Variants in AP2B1 observed in about 807,000 individuals in gnomAD.
The protein encoded by AP2B1 is AP-2 complex subunit beta.
In AP2B1, 23 loss-of-function variants were observed where a neutral mutation model predicts 102.0. That is an observed-to-expected ratio of 0.23 (90% confidence interval 0.16 to 0.32). The LOEUF (loss-of-function observed/expected upper bound fraction) is 0.32. AP2B1 is among the 10% of genes least tolerant of loss of function. The pLI is 1.00. For synonymous variants in AP2B1, 381 were observed against 421.2 expected, an observed-to-expected ratio of 0.90 and a Z score of 1.17; for missense variants, 541 against 1,157.4, an observed-to-expected ratio of 0.47 and a Z score of 7.73.
At chr17:35,661,885 T>C (rs1290516481) in intron 14 of AP2B1, among the ~76,000 whole-genome samples, 1 of 152,116 alleles carries the variant, frequency 6.6e-6, no homozygotes, top group Admixed American at 6.6e-5. Flanking sequence ...TCTTATTAGG[T>C]TGGAGCAAAA....
chr17:35,599,741 TAAA>T (rs1326891116), intron 3 of AP2B1, among the ~76,000 whole-genome samples: 2 of 150,630 alleles, frequency 1.3e-5, no homozygotes, highest in Non-Finnish European at 3.0e-5. Flanking sequence ...CTGTCTCTAC[TAAA>T]AAAAAATACA....
rs1168549307 is a variant in AP2B1, at chr17:35,636,325, G to T, written c.1156-16G>T. ...TAGATCATCTGACTTCTCATTTTTTGTATTTTTCTTCCCAGCAATCTGCAG... is the reference window on the plus strand; with the variant it reads ...TAGATCATCTGACTTCTCATTTTTTTTATTTTTCTTCCCAGCAATCTGCAG... On this transcript the variant is annotated splice_polypyrimidine_tract_variant and intron_variant, in intron 9 of 21. Coordinates refer to ENST00000610402, the MANE Select transcript of AP2B1 (RefSeq NM_001030006.2). 9 of 1,588,022 alleles carry T rather than the reference G, an allele frequency of 5.7e-6. No homozygotes were observed. The highest frequency in any genetic ancestry group is 3.4e-5 in the Admixed American group (2 of 58,510).
chr17:35,599,179 G>A (rs572388119), intron 3 of AP2B1, among the ~76,000 whole-genome samples: 21 of 152,298 alleles, frequency 1.4e-4, no homozygotes, highest in East Asian at 1.2e-3. Flanking sequence ...CTTCTGCTGC[G>A]TAGCAGTGCA....
At chr17:35,673,778 T>G (rs1294091354) in intron 16 of AP2B1, among the ~76,000 whole-genome samples, 1 of 152,238 alleles carries the variant, frequency 6.6e-6, no homozygotes, top group Non-Finnish European at 1.5e-5. Context: ...AGATGCAGTT[T>G]CTTCCCTTTA....
chr17:35,637,407 T>TGACCTCAGGTGATCCATC (rs760000971), intron 10 of AP2B1, among the ~76,000 whole-genome samples: 79 of 152,270 alleles, frequency 5.2e-4, no homozygotes, highest in Non-Finnish European at 7.8e-4. Context: ...CTCGAACTCC[T>TGACCTCAGGTGATCCATC]GACCTCAGGT....
intron 18 of AP2B1, among the ~76,000 whole-genome samples, chr17:35,705,396 C>T (rs2076321199): frequency 6.6e-6 from 1 of 152,130 alleles, no homozygotes; most frequent in South Asian, 2.1e-4. Flanking sequence ...CTTCTAATCT[C>T]TTTTTTAACA....
intron 2 of AP2B1, chr17:35,597,202 AG>A (rs370779214): frequency 1.1e-4 from 47 of 434,100 alleles, no homozygotes; most frequent in Middle Eastern, 1.4e-3. Context: ...TTGAAGGTGG[AG>A]GAAAGTCTTT....
At chr17:35,637,932 C>T (rs183501329) in intron 10 of AP2B1, among the ~76,000 whole-genome samples, 1 of 152,110 alleles carries the variant, frequency 6.6e-6, no homozygotes, top group Admixed American at 6.5e-5. Flanking sequence ...TGATCCCCCC[C>T]ACCTCGCCCT....
intron 12 of AP2B1, among the ~76,000 whole-genome samples, chr17:35,649,389 C>T (rs931488508): frequency 6.6e-6 from 1 of 152,102 alleles, no homozygotes; most frequent in Non-Finnish European, 1.5e-5. Context: ...CTACCTCAGC[C>T]TGTTGAGTAG....
chr17:35,720,699 G>A (rs945317333), intron 21 of AP2B1, among the ~76,000 whole-genome samples: 6 of 149,268 alleles, frequency 4.0e-5, no homozygotes, highest in Non-Finnish European at 7.4e-5. Flanking sequence ...TGGGATTGCA[G>A]GCGTGAGCCA....
At chr17:35,655,507 C>CT (rs752877381) in intron 13 of AP2B1, among the ~76,000 whole-genome samples, 9 of 152,056 alleles carry the variant, frequency 5.9e-5, no homozygotes, top group Non-Finnish European at 4.4e-5. Context: ...TAGTTTGCTC[C>CT]TTTTTATTGG....
chr17:35,677,787 A>G (rs1170681036), intron 17 of AP2B1, among the ~76,000 whole-genome samples: 1 of 151,792 alleles, frequency 6.6e-6, no homozygotes, highest in Non-Finnish European at 1.5e-5. Context: ...GCAATGTTTT[A>G]TAATTTTTTT....
At chr17:35,602,384 G>A (rs1043403729) in intron 3 of AP2B1, among the ~76,000 whole-genome samples, 12 of 152,184 alleles carry the variant, frequency 7.9e-5, no homozygotes, top group Non-Finnish European at 1.5e-4. Flanking sequence ...TAGAAAGATA[G>A]TGCAAAGAAA....
intron 18 of AP2B1, among the ~76,000 whole-genome samples, chr17:35,689,057 T>G (rs928389217): frequency 1.3e-5 from 2 of 152,226 alleles, no homozygotes; most frequent in African/African-American, 4.8e-5. Flanking sequence ...TGTGTACCCA[T>G]CATCCAGCTT....
At chr17:35,645,549 A>T (rs2074907659) in intron 12 of AP2B1, among the ~76,000 whole-genome samples, 1 of 152,160 alleles carries the variant, frequency 6.6e-6, no homozygotes, top group Non-Finnish European at 1.5e-5. Flanking sequence ...AGTTCAACTG[A>T]GTAAAGAATA....
Position 35,594,961 on chromosome 17 carries a change from G to C in AP2B1, c.37+894G>C. On this transcript the variant is annotated intron_variant, in intron 2 of 21. Transcript: ENST00000610402. Reference sequence around the variant, plus strand: ...TAGCCCATCTCAGCTTATTGTGCCTGTAGCTTAGCTTGCTTTATTTGTTGC... The same window carrying C: ...TAGCCCATCTCAGCTTATTGTGCCTCTAGCTTAGCTTGCTTTATTTGTTGC... 1.3e-5 allele frequency among the ~76,000 whole-genome samples: 2 copies of C among 152,114 alleles called. 1 individual carries two copies. Among genetic ancestry groups the C allele is most frequent in the East Asian group, 3.8e-4 (2 of 5,198 alleles).
chr17:35,671,125 A>C (rs549160459), intron 15 of AP2B1, among the ~76,000 whole-genome samples: 3 of 152,274 alleles, frequency 2.0e-5, no homozygotes, highest in African/African-American at 7.2e-5. Context: ...CAGTGCCTAT[A>C]GAGATCTTTG....
chr17:35,627,529 TTGA>T (rs1428051499), intron 8 of AP2B1, 24 bp downstream of exon 8: 6 of 1,613,802 alleles, frequency 3.7e-6, no homozygotes, highest in African/African-American at 2.7e-5. Context: ...CAGACTCAAG[TTGA>T]TGATGATTTA....
chr17:35,639,830 GT>G, intron 11 of AP2B1, 70 bp downstream of exon 11: 1 of 1,363,770 alleles, frequency 7.3e-7, no homozygotes, highest in Non-Finnish European at 1.0e-6. Context: ...GAAAGCAAAG[GT>G]TATAGGCAGT....
Sources: allele counts gnomAD v4.1 joint callset (sites outside exome capture counted in the v4.1 genomes callset), GRCh38; gene constraint gnomAD v4.1.1; transcripts MANE v1.5; gene names NCBI Gene and HGNC (gene_info 2026-07-23, HGNC 2026-07-21).